The following SI variants were observed in gnomAD, a reference collection of about 807,000 sequenced individuals.
SI encodes sucrase-isomaltase, intestinal.
In SI, 235 loss-of-function variants were observed where a neutral mutation model predicts 253.3. The ratio of observed to expected loss-of-function variants is 0.93; its 90% CI spans 0.83 to 1.03. The LOEUF is 1.03. Ranked by LOEUF, SI falls within the 50% of genes least tolerant of loss-of-function variation. SI has a pLI of 0.00. For missense variants in SI, 2,442 were observed against 2,211.1 expected, an observed-to-expected ratio of 1.10 and a Z score of -2.09; for synonymous variants, 819 against 712.0, an observed-to-expected ratio of 1.15 and a Z score of -2.39.
chr3:164,995,933 A>T (rs1385590007), intron 40 of SI, among the ~76,000 whole-genome samples: 1 of 151,784 alleles, frequency 6.6e-6, no homozygotes, highest in Non-Finnish European at 1.5e-5. Flanking sequence ...GCTTTCATTG[A>T]TTCATGCTCT....
chr3:165,023,775 C>T lies in SI; in HGVS notation c.2894G>A (p.Gly965Asp), dbSNP rs144419320. The T allele has an allele frequency of 2.6e-5, 41 of 1,606,828 alleles. 1 individual carries two copies. The South Asian group carries it at 3.6e-4, about 14-fold the overall frequency. Reference sequence around the variant, plus strand: ...CTCAGGTGCTTTGGATAGAGAAGAACCCTAAAAACACAATGCATGTTCATT... The same window carrying T: ...CTCAGGTGCTTTGGATAGAGAAGAATCCTAAAAACACAATGCATGTTCATT... ...CTQRGCVWRTGSSLSKAPECY... is the reference protein window; with the variant it reads ...CTQRGCVWRTDSSLSKAPECY... Residue 965 changes from glycine (G) to aspartate (D), a missense_variant and splice_region_variant, in exon 26 of 48, where the codon GGT (glycine) becomes GAT (aspartate). Physicochemically the swap from Gly to Asp is moderately conservative, Grantham distance 94 (BLOSUM62 -1). Coordinates refer to ENST00000264382, the MANE Select transcript of SI (RefSeq NM_001041.4).
At chr3:164,992,531 TAA>T (rs1034203887) in intron 41 of SI, 134 bp from the exon 42 acceptor site, 1 of 651,704 alleles carries the variant, frequency 1.5e-6, no homozygotes, top group Non-Finnish European at 2.7e-6. Context: ...GTAAAAAAAT[TAA>T]AAAATATATC....
intron 45 of SI, among the ~76,000 whole-genome samples, chr3:164,985,192 G>T (rs1717382253): frequency 6.6e-6 from 1 of 152,152 alleles, no homozygotes; most frequent in Admixed American, 6.6e-5. Flanking sequence ...TGGATAGGAG[G>T]AGCTGGAGAA....
the SI span, among the ~76,000 whole-genome samples, chr3:165,087,504 C>A: frequency 6.6e-6 from 1 of 152,126 alleles, no homozygotes. Context: ...TTACAACCAC[C>A]CCTGCTTCAA....
intron 28 of SI, among the ~76,000 whole-genome samples, chr3:165,018,670 G>T (rs1385781825): frequency 2.6e-5 from 4 of 150,996 alleles, no homozygotes; most frequent in South Asian, 2.1e-4. Context: ...CAGTGAAATA[G>T]ATTTTATAGT....
intron 9 of SI, among the ~76,000 whole-genome samples, chr3:165,062,139 G>T (rs966399887): frequency 1.3e-5 from 2 of 151,632 alleles, no homozygotes; most frequent in African/African-American, 4.8e-5. Flanking sequence ...GAACTCAGCT[G>T]CCTAGAGGTA....
chr3:165,040,839 G>C, intron 18 of SI, 101 bp downstream of exon 18: 1 of 922,778 alleles, frequency 1.1e-6, no homozygotes, highest in Non-Finnish European at 1.7e-6. Flanking sequence ...ACAAGCAGCA[G>C]AAGTTTAATT....
Position 164,987,144 on chromosome 3 carries a change from T to G in SI, c.5191A>C (p.Ser1731Arg), listed in dbSNP as rs1717476710. The change falls in exon 45 of 48, where the codon AGT (serine) becomes CGT (arginine). Residue 1731 changes from serine (S) to arginine (R), a missense_variant. By Grantham distance (110) the Ser-to-Arg change is moderately radical. Transcript: ENST00000264382. ...TACTAAATCGAGCACTCACCTATAC[T>G]CTCTCCATCATCCCAAAACAGAGAA... Reference protein sequence around the residue: ...QGSLFWDDGESIDTYERDLYL... With the variant: ...QGSLFWDDGERIDTYERDLYL... 2 of 1,611,496 alleles carry G rather than the reference T, an allele frequency of 1.2e-6. No individual in the cohort carries two copies. Among genetic ancestry groups the G allele is most frequent in the East Asian group, 4.5e-5 (2 of 44,782 alleles).
At chr3:165,029,319 T>A (rs953302481) in intron 25 of SI, among the ~76,000 whole-genome samples, 1 of 150,898 alleles carries the variant, frequency 6.6e-6, no homozygotes, top group African/African-American at 2.4e-5. Flanking sequence ...GGGACACTTC[T>A]ACACTGATAG....
chr3:165,001,679 C>A (rs915080339), intron 37 of SI, among the ~76,000 whole-genome samples: 1 of 151,368 alleles, frequency 6.6e-6, no homozygotes, highest in African/African-American at 2.4e-5. Flanking sequence ...GAAAGACATG[C>A]ATTTACTATC....
chr3:165,007,240 A>T (rs989122875), intron 36 of SI, among the ~76,000 whole-genome samples: 1 of 152,140 alleles, frequency 6.6e-6, no homozygotes, highest in Non-Finnish European at 1.5e-5. Context: ...GAGTTTTATT[A>T]AAAATTCACT....
At chr3:164,992,522 T>G in intron 41 of SI, 125 bp from the exon 42 acceptor site, 1 of 667,922 alleles carries the variant, frequency 1.5e-6, no homozygotes, top group Non-Finnish European at 2.6e-6. Flanking sequence ...AACAAAACTG[T>G]AAAAAAATTA....
intron 43 of SI, 91 bp downstream of exon 43, chr3:164,992,086 G>A (rs1717777197): frequency 1.9e-6 from 2 of 1,071,642 alleles, no homozygotes; most frequent in South Asian, 2.5e-5. Flanking sequence ...TAAGTGGAAA[G>A]TAAATCCAAC....
At chr3:165,067,953 A>G (rs1163745164) in intron 5 of SI, among the ~76,000 whole-genome samples, 2 of 151,914 alleles carry the variant, frequency 1.3e-5, no homozygotes, top group Non-Finnish European at 2.9e-5. Flanking sequence ...CACTGAGAAA[A>G]AGAAAAATTT....
At chr3:165,048,845 G>A (rs1404167359) in intron 15 of SI, among the ~76,000 whole-genome samples, 1 of 151,950 alleles carries the variant, frequency 6.6e-6, no homozygotes, top group East Asian at 1.9e-4. Flanking sequence ...TCAGACTCCT[G>A]ACTTCAGGTG....
Position 165,077,646 on chromosome 3 carries a change from T to C in SI, c.-1+787A>G, listed in dbSNP as rs151107610. 3.0e-3 allele frequency among the ~76,000 whole-genome samples: 462 copies of C among 151,780 alleles called. 4 individuals carry two copies. The highest frequency in any genetic ancestry group is 0.011 in the African/African-American group (444 of 41,516). On this transcript the variant is annotated intron_variant, in intron 1 of 47. Coordinates refer to ENST00000264382, the MANE Select transcript of SI (RefSeq NM_001041.4). Reference sequence around the variant, plus strand: ...CGAAAAATGAAGCCCAGTTGCGTGATGTTATGTTGAGAAATGACAAAGTTA... The same window carrying C: ...CGAAAAATGAAGCCCAGTTGCGTGACGTTATGTTGAGAAATGACAAAGTTA...
upstream of SI, among the ~76,000 whole-genome samples, chr3:165,079,866 AGTT>A (rs1715236337): frequency 6.6e-6 from 1 of 151,886 alleles, no homozygotes; most frequent in Non-Finnish European, 1.5e-5. Context: ...TTGATGAAAA[AGTT>A]AAAGATTTTA....
At chr3:165,041,343 A>C (rs1457947861) in intron 17 of SI, among the ~76,000 whole-genome samples, 1 of 152,056 alleles carries the variant, frequency 6.6e-6, no homozygotes, top group Non-Finnish European at 1.5e-5. Flanking sequence ...AGAAAAAATA[A>C]ATTTTTTTTT....
At chr3:164,985,813 G>T (rs1717407427) in intron 45 of SI, among the ~76,000 whole-genome samples, 1 of 151,828 alleles carries the variant, frequency 6.6e-6, no homozygotes, top group Non-Finnish European at 1.5e-5. Flanking sequence ...ATCTCCTATG[G>T]GAGATTTCTG....
Sources: gnomAD v4.1 joint callset for allele counts (sites outside exome capture counted in the v4.1 genomes callset) on GRCh38, gnomAD v4.1.1 for gene constraint, MANE v1.5 for transcripts, NCBI Gene and HGNC (gene_info 2026-07-23, HGNC 2026-07-21) for gene names.